The following PDE11A variants were observed in gnomAD, a reference collection of about 807,000 sequenced individuals.
The protein encoded by PDE11A is dual 3',5'-cyclic-AMP and -GMP phosphodiesterase 11A.
Under a neutral mutation model 100.5 loss-of-function variants are expected in PDE11A, and 100 were observed. That is an observed-to-expected ratio of 1.00 (90% CI 0.85 to 1.18). The LOEUF (loss-of-function observed/expected upper bound fraction) is 1.18, where lower values mean the gene tolerates loss of function less well. Among genes scored for constraint, PDE11A ranks in the 50% most tolerant of loss-of-function variants. PDE11A has a pLI of 0.00. For missense variants in PDE11A, 1,141 were observed against 1,152.6 expected (o/e 0.99, Z 0.15); for synonymous variants, 381 against 420.8 (o/e 0.91, Z 1.16).
intron 6 of PDE11A, among the ~76,000 whole-genome samples, chr2:177,830,782 A>G (rs2083296658): frequency 1.3e-5 from 2 of 151,906 alleles, no homozygotes; most frequent in Admixed American, 6.5e-5. Context: ...GATGACTGAT[A>G]AAGCTACAAA....
chr2:177,674,517 G>T (rs2080738410), intron 17 of PDE11A, among the ~76,000 whole-genome samples: 1 of 151,946 alleles, frequency 6.6e-6, no homozygotes, highest in Admixed American at 6.6e-5. Flanking sequence ...ATTTCCCCCT[G>T]CTCCCTCTTA....
intron 2 of PDE11A, among the ~76,000 whole-genome samples, chr2:177,985,454 C>A (rs2085929278): frequency 6.6e-6 from 1 of 152,152 alleles, no homozygotes; most frequent in Non-Finnish European, 1.5e-5. Flanking sequence ...GCAAGGAACA[C>A]AGGCATAACA....
intron 9 of PDE11A, among the ~76,000 whole-genome samples, chr2:177,783,144 T>A (rs1222221835): frequency 1.3e-5 from 2 of 152,176 alleles, no homozygotes; most frequent in Non-Finnish European, 2.9e-5. Flanking sequence ...AACACAATTC[T>A]CTTCATTTCT....
chr2:177,734,169 T>C (rs916520419), intron 10 of PDE11A, among the ~76,000 whole-genome samples: 2 of 152,164 alleles, frequency 1.3e-5, no homozygotes, highest in Non-Finnish European at 2.9e-5. Flanking sequence ...AGGGACAATG[T>C]TTTTGTCTTT....
At chr2:177,757,735 C>T (rs2082109448) in intron 10 of PDE11A, among the ~76,000 whole-genome samples, 1 of 152,072 alleles carries the variant, frequency 6.6e-6, no homozygotes, top group African/African-American at 2.4e-5. Context: ...TCTGGGAAGG[C>T]TTTCAGAGCC....
chr2:177,727,704 C>CA lies in PDE11A; in HGVS notation c.1996dup (p.Trp666LeufsTer40). ...CTGACACACGTTGAAGGCATGTCTCCAGTTGTGGTATAGAACCATCCGATA... is the reference window on the plus strand; with the variant it reads ...CTGACACACGTTGAAGGCATGTCTCCAAGTTGTGGTATAGAACCATCCGATA... On this transcript the variant is annotated frameshift_variant, in exon 12 of 20. Transcript: ENST00000286063. LOFTEE classifies it high-confidence loss of function. 6.2e-7 allele frequency: 1 copy of CA among 1,612,104 alleles called. No homozygotes were observed. Among genetic ancestry groups the CA allele is most frequent in the East Asian group, 2.2e-5 (1 of 44,858 alleles).
intron 2 of PDE11A, among the ~76,000 whole-genome samples, chr2:177,910,344 G>T (rs1215624254): frequency 6.6e-6 from 1 of 152,008 alleles, no homozygotes; most frequent in East Asian, 1.9e-4. Flanking sequence ...TGTAGAAATA[G>T]AAAATGAAAA....
At chr2:178,089,258 T>G (rs1017113169) in intron 2 of PDE11A, among the ~76,000 whole-genome samples, 1 of 152,102 alleles carries the variant, frequency 6.6e-6, no homozygotes, top group African/African-American at 2.4e-5. Context: ...TTGTTGGTGT[T>G]AGAGAAAAAA....
At chr2:177,989,246 A>T (rs2085974776) in intron 2 of PDE11A, among the ~76,000 whole-genome samples, 1 of 152,222 alleles carries the variant, frequency 6.6e-6, no homozygotes, top group South Asian at 2.1e-4. Flanking sequence ...AAAGATAAGC[A>T]ATTCACTAGA....
chr2:177,631,225 C>A (rs899275659), intron 19 of PDE11A, among the ~76,000 whole-genome samples: 1 of 145,486 alleles, frequency 6.9e-6, no homozygotes, highest in Non-Finnish European at 1.5e-5. Flanking sequence ...GTGAGTGGAT[C>A]ATTTGAGGTC....
chr2:177,846,146 T>C (rs1278353389), intron 5 of PDE11A, among the ~76,000 whole-genome samples: 1 of 152,184 alleles, frequency 6.6e-6, no homozygotes, highest in East Asian at 1.9e-4. Flanking sequence ...TTGCTTCTCT[T>C]CTTTACAAAC....
At chr2:177,825,470 C>T (rs765971363) in intron 6 of PDE11A, among the ~76,000 whole-genome samples, 4 of 152,138 alleles carry the variant, frequency 2.6e-5, no homozygotes, top group Non-Finnish European at 5.9e-5. Context: ...ATGAAATCCC[C>T]TAATTGCCTA....
chr2:177,711,705 C>T lies in PDE11A; in HGVS notation c.2153+64G>A, dbSNP rs562092456. 1.8e-4 allele frequency: 164 copies of T among 911,054 alleles called. 1 individual carries two copies. The South Asian group carries it at 1.8e-3, about 10-fold the overall frequency. The allele number at this position is 911,054 out of a possible 1,614,324, so 56.4% of individuals were successfully genotyped here. On this transcript the variant is annotated intron_variant, in intron 13 of 19. Coordinates refer to ENST00000286063, the MANE Select transcript of PDE11A (RefSeq NM_016953.4). ...AATTAATGCTTTACTCTTTAGCATT[C>T]GTCACCTTTGGCTCTGAACAGAAAG...
At chr2:177,897,444 A>C (rs2084628023) in intron 4 of PDE11A, among the ~76,000 whole-genome samples, 1 of 152,098 alleles carries the variant, frequency 6.6e-6, no homozygotes. Context: ...AGCCCCCTTC[A>C]CCTGGTAAGG....
chr2:178,042,077 G>GA (rs1309610345), intron 1 of PDE11A, among the ~76,000 whole-genome samples: 2 of 152,204 alleles, frequency 1.3e-5, no homozygotes, highest in Non-Finnish European at 2.9e-5. Flanking sequence ...CTTGTGTGAG[G>GA]AAAGAGGACA....
chr2:177,834,217 T>A (rs1198658551), intron 6 of PDE11A, among the ~76,000 whole-genome samples: 1 of 152,174 alleles, frequency 6.6e-6, no homozygotes, highest in African/African-American at 2.4e-5. Flanking sequence ...AAATCCTGCA[T>A]CATTTTGGTG....
At chr2:177,993,204 G>A (rs2086025102) in intron 2 of PDE11A, among the ~76,000 whole-genome samples, 1 of 152,210 alleles carries the variant, frequency 6.6e-6, no homozygotes, top group South Asian at 2.1e-4. Flanking sequence ...CTGCGTGGTA[G>A]AGAGTAGGGC....
At chr2:177,885,104 T>C (rs1022128932) in intron 4 of PDE11A, among the ~76,000 whole-genome samples, 6 of 152,278 alleles carry the variant, frequency 3.9e-5, no homozygotes, top group Admixed American at 3.9e-4. Context: ...AACATATAAA[T>C]GATTAATGAT....
intron 19 of PDE11A, among the ~76,000 whole-genome samples, chr2:177,632,127 T>C: frequency 6.6e-6 from 1 of 152,172 alleles, no homozygotes; most frequent in Non-Finnish European, 1.5e-5. Flanking sequence ...AATGAAGATA[T>C]AGAGAAATCT....
Sources: gnomAD v4.1 joint callset for allele counts (sites outside exome capture counted in the v4.1 genomes callset) on GRCh38, gnomAD v4.1.1 for gene constraint, MANE v1.5 for transcripts, NCBI Gene and HGNC (gene_info 2026-07-23, HGNC 2026-07-21) for gene names.